Variants in EIPR1 observed in about 807,000 individuals in gnomAD.
The protein encoded by EIPR1 is EARP and GARP complex-interacting protein 1.
Under a neutral mutation model 48.1 loss-of-function variants are expected in EIPR1, and 25 were observed. That is an observed-to-expected ratio of 0.52 (90% CI 0.38 to 0.73). The LOEUF (loss-of-function observed/expected upper bound fraction) is 0.73. Among genes scored for constraint, EIPR1 ranks in the 30% least tolerant of loss-of-function variants. The pLI is 0.00. For synonymous variants in EIPR1, 204 were observed against 201.9 expected, an observed-to-expected ratio of 1.01 and a Z score of -0.09; for missense variants, 415 against 506.2, an observed-to-expected ratio of 0.82 and a Z score of 1.73.
In EIPR1 at chr2:3,312,257, G is replaced by A. The variant is rs780554977; in HGVS notation, c.259+25760C>T. Among the ~76,000 whole-genome samples, 4 of 152,140 alleles carry A rather than the reference G, an allele frequency of 2.6e-5. No homozygotes were observed. Among genetic ancestry groups the A allele is most frequent in the African/African-American group, 7.2e-5 (3 of 41,432 alleles). ...CCTATGGCCACTGAGGCCGCATTCC[G>A]GGTGTGCTCTGACGTTTTACCCGCC... On this transcript the variant is annotated intron_variant, in intron 3 of 8. Transcript: ENST00000382125. The surrounding 1 kb of genome is among the most constrained non-coding windows in gnomAD (Gnocchi z 5.5).
At chr2:3,294,964 T>G (rs867353712) in intron 3 of EIPR1, among the ~76,000 whole-genome samples, 41 of 51,240 alleles carry the variant, frequency 8.0e-4, no homozygotes, top group East Asian at 3.5e-3. Context: ...ACACACACCC[T>G]CCATCCAGCC....
intron 1 of EIPR1, among the ~76,000 whole-genome samples, chr2:3,372,586 A>G (rs1659703912): frequency 6.6e-6 from 1 of 152,268 alleles, no homozygotes; most frequent in Non-Finnish European, 1.5e-5. Flanking sequence ...CTACCATCAG[A>G]GAATACTACC....
intron 6 of EIPR1, among the ~76,000 whole-genome samples, chr2:3,195,855 G>A (rs4854133): frequency 0.85 from 130,046 of 152,204 alleles, 56,080 homozygotes; most frequent in Middle Eastern, 0.91. Context: ...ACACAACACG[G>A]GCAAAATGAG....
intron 3 of EIPR1, among the ~76,000 whole-genome samples, chr2:3,287,319 A>G (rs891115443): frequency 6.6e-6 from 1 of 150,904 alleles, no homozygotes; most frequent in Admixed American, 6.6e-5. Flanking sequence ...AAGCTCGTTC[A>G]CCACACTCCA....
chr2:3,210,866 T>A (rs1665424925), intron 5 of EIPR1, among the ~76,000 whole-genome samples: 2 of 152,070 alleles, frequency 1.3e-5, no homozygotes, highest in African/African-American at 4.8e-5. Flanking sequence ...CTCAAACTCC[T>A]GATGTAAGGT....
chr2:3,313,662 C>A (rs1259624217), intron 3 of EIPR1, among the ~76,000 whole-genome samples: 3 of 152,194 alleles, frequency 2.0e-5, no homozygotes, highest in African/African-American at 7.2e-5. Flanking sequence ...CAGCTCTCCC[C>A]ACTGTCAGGA....
intron 3 of EIPR1, chr2:3,320,138 C>T (rs928994913): frequency 8.5e-5 from 16 of 189,174 alleles, no homozygotes; most frequent in South Asian, 5.6e-4. Context: ...ACCACCCCTG[C>T]GGGCAACACC....
intron 1 of EIPR1, among the ~76,000 whole-genome samples, chr2:3,367,254 T>C (rs528727279): frequency 6.9e-4 from 105 of 152,340 alleles, no homozygotes; most frequent in Non-Finnish European, 1.3e-3. Flanking sequence ...CTATGCTGTG[T>C]TCCAGGCACA....
At chr2:3,333,074 T>G (rs1375125920) in intron 3 of EIPR1, among the ~76,000 whole-genome samples, 1 of 152,224 alleles carries the variant, frequency 6.6e-6, no homozygotes, top group Non-Finnish European at 1.5e-5. Flanking sequence ...ATCCTTCAGC[T>G]GTGCACGGGG....
intron 3 of EIPR1, among the ~76,000 whole-genome samples, chr2:3,317,077 A>ACAAGGTGC: frequency 6.6e-6 from 1 of 151,940 alleles, no homozygotes; most frequent in East Asian, 1.9e-4. Flanking sequence ...CCAGGAGCGC[A>ACAAGGTGC]TGACGCACTG....
At chr2:3,281,978 C>T (rs1668026948) in intron 3 of EIPR1, among the ~76,000 whole-genome samples, 1 of 152,122 alleles carries the variant, frequency 6.6e-6, no homozygotes, top group African/African-American at 2.4e-5. Flanking sequence ...GTGGAAATAC[C>T]AAGTTCAAAT....
chr2:3,259,293 C>CT (rs1037808291), intron 3 of EIPR1, among the ~76,000 whole-genome samples: 1 of 151,966 alleles, frequency 6.6e-6, no homozygotes, highest in African/African-American at 2.4e-5. Context: ...ACACTCCCCC[C>CT]CACATCCCCA....
chr2:3,295,768 C>T (rs1171832356), intron 3 of EIPR1, among the ~76,000 whole-genome samples: 2 of 131,544 alleles, frequency 1.5e-5, no homozygotes, highest in Non-Finnish European at 3.2e-5. Flanking sequence ...CCTCTCTCTG[C>T]ACACACACCC....
chr2:3,210,949 T>A (rs1404272635), intron 5 of EIPR1, among the ~76,000 whole-genome samples: 1 of 152,048 alleles, frequency 6.6e-6, no homozygotes, highest in Admixed American at 6.5e-5. Context: ...TAGCTCCCAC[T>A]ACTAAGTGAG....
intron 5 of EIPR1, 150 bp from the exon 6 acceptor site, chr2:3,197,167 C>T: frequency 1.0e-6 from 1 of 981,446 alleles, no homozygotes. Flanking sequence ...TGTTTCCTTT[C>T]CTTAAATGGC....
At chr2:3,310,280 G>A (rs745694143) in intron 3 of EIPR1, among the ~76,000 whole-genome samples, 1 of 152,118 alleles carries the variant, frequency 6.6e-6, no homozygotes, top group Non-Finnish European at 1.5e-5. Flanking sequence ...TAGATACTAA[G>A]GGTATTATAA....
chr2:3,284,808 G>C (rs1283468040), intron 3 of EIPR1, among the ~76,000 whole-genome samples: 1 of 152,016 alleles, frequency 6.6e-6, no homozygotes, highest in African/African-American at 2.4e-5. Context: ...GTTGGGAAAG[G>C]GGGGCCCGCC....
intron 3 of EIPR1, among the ~76,000 whole-genome samples, chr2:3,303,226 G>C (rs1351783263): frequency 6.6e-6 from 1 of 152,216 alleles, no homozygotes; most frequent in African/African-American, 2.4e-5. Flanking sequence ...ATCAACGTGA[G>C]GGGCTGGGTG....
chr2:3,330,420 A>C (rs1474586594), intron 3 of EIPR1, among the ~76,000 whole-genome samples: 24 of 152,152 alleles, frequency 1.6e-4, no homozygotes, highest in Non-Finnish European at 1.5e-5. Context: ...GAGCCAGACC[A>C]CTGGTGCCCT....
Sources: gnomAD v4.1 joint callset for allele counts (sites outside exome capture counted in the v4.1 genomes callset) on GRCh38, gnomAD v4.1.1 for gene constraint, Gnocchi (gnomAD v3.1) non-coding constraint, MANE v1.5 for transcripts, NCBI Gene and HGNC (gene_info 2026-07-23, HGNC 2026-07-21) for gene names.